Variants in MRPL48 observed in about 807,000 individuals in gnomAD.
The protein encoded by MRPL48 is mitochondrial ribosomal protein L48.
In MRPL48, 16 loss-of-function variants were observed where a neutral mutation model predicts 32.9. The observed-to-expected ratio is 0.49, with a 90% CI of 0.33 to 0.74. The LOEUF (loss-of-function observed/expected upper bound fraction) is 0.74. Ranked by LOEUF, MRPL48 falls within the 30% of genes least tolerant of loss-of-function variation. MRPL48 has a pLI of 0.02. For synonymous variants in MRPL48, 94 were observed against 89.2 expected, an observed-to-expected ratio of 1.05 and a Z score of -0.31; for missense variants, 206 against 245.3, an observed-to-expected ratio of 0.84 and a Z score of 1.07.
chr11:73,844,721 G>T lies in MRPL48; in HGVS notation c.202-86G>T. The T allele has an allele frequency of 2.1e-6, 3 of 1,416,648 alleles. No homozygotes were observed. In the East Asian group the frequency reaches 7.6e-5, roughly 36 times the overall value. The allele number at this position is 1,416,648 out of a possible 1,614,324, so 87.8% of individuals were successfully genotyped here. On this transcript the variant is annotated intron_variant, in intron 4 of 7. Coordinates refer to ENST00000310614, the MANE Select transcript of MRPL48 (RefSeq NM_016055.6). ...AAAATGTGAACAAATTTATTAGAAA[G>T]ATTGACTTTTTAAAATATCAAGATA...
intron 1 of MRPL48, among the ~76,000 whole-genome samples, chr11:73,802,935 G>C (rs977818760): frequency 2.6e-5 from 4 of 152,056 alleles, no homozygotes; most frequent in African/African-American, 9.6e-5. Flanking sequence ...AGGCTCAAGT[G>C]ATCTTCCTAC....
At chr11:73,843,142 T>C (rs1948222586) in intron 4 of MRPL48, 1 of 152,006 alleles carries the variant, frequency 6.6e-6, no homozygotes, top group Non-Finnish European at 1.5e-5. Context: ...GGCATTTAGG[T>C]TAGATTATTT....
At chr11:73,815,755 GCTCTGTCA>G (rs1315974852) in intron 3 of MRPL48, among the ~76,000 whole-genome samples, 1 of 151,318 alleles carries the variant, frequency 6.6e-6, no homozygotes, top group Non-Finnish European at 1.5e-5. Context: ...GGGACCGCTC[GCTCTGTCA>G]CCCAGGCTGG....
chr11:73,861,698 G>A (rs1054131243), intron 6 of MRPL48, among the ~76,000 whole-genome samples: 1 of 152,074 alleles, frequency 6.6e-6, no homozygotes, highest in Non-Finnish European at 1.5e-5. Flanking sequence ...TCCTAACACT[G>A]TTATGCCCCT....
At chr11:73,853,925 C>T (rs58541937) in intron 5 of MRPL48, among the ~76,000 whole-genome samples, 11,690 of 151,886 alleles carry the variant, frequency 0.077, 577 homozygotes, top group African/African-American at 0.13. Flanking sequence ...CTCCTGACCT[C>T]GTGATCCGCC....
intron 5 of MRPL48, among the ~76,000 whole-genome samples, chr11:73,848,950 T>A (rs975251345): frequency 3.3e-5 from 5 of 151,774 alleles, no homozygotes; most frequent in Non-Finnish European, 5.9e-5. Context: ...TTCCCTGGAA[T>A]AGCTGGGACT....
chr11:73,803,154 G>A (rs982349022), intron 1 of MRPL48, among the ~76,000 whole-genome samples: 2 of 152,056 alleles, frequency 1.3e-5, no homozygotes, highest in Admixed American at 1.3e-4. Flanking sequence ...TTGAGACAGA[G>A]TCTTGCTCTG....
At chr11:73,823,049 C>T (rs984358820) in intron 3 of MRPL48, 2 of 449,352 alleles carry the variant, frequency 4.5e-6, no homozygotes, top group African/African-American at 4.0e-5. Context: ...AAGCTCAGGG[C>T]TTCCACTGAT....
At chr11:73,808,217 T>A (rs777483731) in intron 2 of MRPL48, 96 bp from the exon 3 acceptor site, 1 of 1,201,006 alleles carries the variant, frequency 8.3e-7, no homozygotes, top group South Asian at 1.3e-5. Flanking sequence ...GAAACAGCAT[T>A]GATGCATCTT....
chr11:73,854,142 G>C (rs1335826681), intron 5 of MRPL48, among the ~76,000 whole-genome samples: 2 of 152,164 alleles, frequency 1.3e-5, no homozygotes, highest in African/African-American at 2.4e-5. Context: ...GAAGGGCACT[G>C]AATTTCCTGC....
chr11:73,847,446 C>CT (rs563267858), intron 5 of MRPL48, among the ~76,000 whole-genome samples: 107 of 142,096 alleles, frequency 7.5e-4, no homozygotes, highest in South Asian at 1.1e-3. Context: ...ATAGCAGTTC[C>CT]TTTTTTTTTT....
intron 3 of MRPL48, among the ~76,000 whole-genome samples, chr11:73,814,031 A>T (rs914941151): frequency 1.2e-4 from 17 of 141,734 alleles, no homozygotes; most frequent in Non-Finnish European, 7.6e-5. Context: ...ACAGAGTGAG[A>T]CTCTGTCTCA....
chr11:73,816,865 G>A (rs1332290144), intron 3 of MRPL48, among the ~76,000 whole-genome samples: 9 of 149,488 alleles, frequency 6.0e-5, no homozygotes, highest in African/African-American at 1.7e-4. Context: ...TCACTCTGTC[G>A]CCCACACTGG....
intron 1 of MRPL48, among the ~76,000 whole-genome samples, chr11:73,790,094 G>T (rs1471072814): frequency 8.7e-6 from 1 of 115,338 alleles, no homozygotes; most frequent in African/African-American, 3.4e-5. Context: ...TTTTGAGACA[G>T]AGTCTCCCTC....
At chr11:73,836,322 A>C (rs1010453327) in intron 4 of MRPL48, among the ~76,000 whole-genome samples, 2 of 151,920 alleles carry the variant, frequency 1.3e-5, no homozygotes, top group South Asian at 4.2e-4. Flanking sequence ...CAGCTTCCCA[A>C]GTAGATGGGA....
chr11:73,820,181 CCT>C (rs1947751026), intron 3 of MRPL48, among the ~76,000 whole-genome samples: 3 of 152,124 alleles, frequency 2.0e-5, no homozygotes, highest in African/African-American at 7.2e-5. Context: ...GAAATCCAAA[CCT>C]TTAACAAGGC....
intron 4 of MRPL48, among the ~76,000 whole-genome samples, chr11:73,838,911 G>A (rs1212045037): frequency 6.6e-6 from 1 of 152,118 alleles, no homozygotes; most frequent in African/African-American, 2.4e-5. Flanking sequence ...TTCTTCCCTT[G>A]CAAAGATGAA....
chr11:73,854,962 C>T (rs1039745683), intron 5 of MRPL48, among the ~76,000 whole-genome samples: 7 of 152,124 alleles, frequency 4.6e-5, no homozygotes, highest in African/African-American at 1.7e-4. Context: ...CTCTTTGTGT[C>T]TTGGTTTCCT....
intron 3 of MRPL48, among the ~76,000 whole-genome samples, chr11:73,813,935 A>G (rs2511270): frequency 0.52 from 78,411 of 150,980 alleles, 21,683 homozygotes; most frequent in African/African-American, 0.73. Flanking sequence ...CAGCTACTCC[A>G]GAGGCGGAGG....
Sources: gnomAD v4.1 joint callset for allele counts (sites outside exome capture counted in the v4.1 genomes callset) on GRCh38, gnomAD v4.1.1 for gene constraint, MANE v1.5 for transcripts, NCBI Gene and HGNC (gene_info 2026-07-23, HGNC 2026-07-21) for gene names.